CTNND2: variants seen among roughly 807,000 people sequenced by gnomAD.
CTNND2 encodes the protein catenin delta 2, also known as catenin delta-2.
Under a neutral mutation model 144.4 loss-of-function variants are expected in CTNND2, and 22 were observed. The observed-to-expected ratio is 0.15, with a 90% CI of 0.11 to 0.22. The LOEUF is 0.22. CTNND2 is among the 10% of genes least tolerant of loss of function. The pLI is 1.00. For missense variants in CTNND2, 1,353 were observed against 1,618.8 expected (o/e 0.84, Z 2.82); for synonymous variants, 751 against 695.6 (o/e 1.08, Z -1.25).
chr5:11,026,233 G>A (rs1423598228), intron 16 of CTNND2, among the ~76,000 whole-genome samples: 2 of 152,076 alleles, frequency 1.3e-5, no homozygotes, highest in Admixed American at 6.6e-5. Flanking sequence ...CTGTGTTTGA[G>A]CCTGGCATGG....
intron 12 of CTNND2, among the ~76,000 whole-genome samples, chr5:11,128,593 G>A (rs530257814): frequency 2.5e-3 from 373 of 148,034 alleles, no homozygotes; most frequent in Non-Finnish European, 4.1e-3. Context: ...TCTCAGCACC[G>A]TCTCCGATGC....
At chr5:10,996,428 C>T (rs1296957540) in intron 18 of CTNND2, among the ~76,000 whole-genome samples, 10 of 140,066 alleles carry the variant, frequency 7.1e-5, no homozygotes, top group African/African-American at 2.4e-4. Context: ...AGAAAGACGA[C>T]TGCTCCAAGA....
chr5:11,354,620 T>A (rs1442958770), intron 8 of CTNND2, among the ~76,000 whole-genome samples: 1 of 152,166 alleles, frequency 6.6e-6, no homozygotes, highest in Admixed American at 6.5e-5. Context: ...AGAAAATTAT[T>A]ATTAGACCTA....
At position 11,585,515 on chromosome 5, in the gene CTNND2, T is replaced by TCTAC. The variant is rs1384193019; in HGVS notation, c.175-20460_175-20459insGTAG. Among the ~76,000 whole-genome samples, 1,000 of 151,896 alleles carry TCTAC rather than the reference T, an allele frequency of 6.6e-3. 7 individuals are homozygous for TCTAC. The highest frequency in any genetic ancestry group is 0.011 in the Non-Finnish European group (741 of 67,932). On this transcript the variant is annotated intron_variant, in intron 2 of 21. Coordinates refer to ENST00000304623, the MANE Select transcript of CTNND2 (RefSeq NM_001332.4). ...ATCTATCTATCTATCTATCTATCTA[T>TCTAC]CTATCTATATCAGATTCTCATTTGT...
chr5:11,805,048 AG>A (rs1791915165), intron 1 of CTNND2, among the ~76,000 whole-genome samples: 1 of 152,168 alleles, frequency 6.6e-6, no homozygotes, highest in Admixed American at 6.5e-5. Context: ...TTCCCATGGA[AG>A]CATGGGTTAA....
At chr5:10,999,999 G>A (rs1018624057) in intron 18 of CTNND2, among the ~76,000 whole-genome samples, 3 of 152,200 alleles carry the variant, frequency 2.0e-5, no homozygotes, top group Non-Finnish European at 4.4e-5. Flanking sequence ...TTTCTAGGAC[G>A]TGGTCAGTCT....
chr5:11,325,345 A>C (rs1288220389), intron 9 of CTNND2, among the ~76,000 whole-genome samples: 2 of 152,040 alleles, frequency 1.3e-5, no homozygotes, highest in Non-Finnish European at 2.9e-5. Context: ...TGTAACTGTT[A>C]ATTTTTCTTT....
At chr5:11,889,010 A>G (rs184023376) in intron 1 of CTNND2, among the ~76,000 whole-genome samples, 4 of 152,218 alleles carry the variant, frequency 2.6e-5, no homozygotes, top group South Asian at 2.1e-4. Flanking sequence ...TCAGCTTCTC[A>G]AAGTGCTGTG....
intron 3 of CTNND2, among the ~76,000 whole-genome samples, chr5:11,437,473 T>C (rs1561392929): frequency 6.6e-6 from 1 of 152,084 alleles, no homozygotes; most frequent in East Asian, 1.9e-4. Context: ...AGAAAGAGTG[T>C]TGGGAACGAT....
chr5:11,676,458 T>C (rs748155003), intron 2 of CTNND2, among the ~76,000 whole-genome samples: 88 of 152,118 alleles, frequency 5.8e-4, no homozygotes, highest in Non-Finnish European at 1.2e-3. Context: ...TGAAAGTCCG[T>C]GAGTTAATAT....
chr5:11,222,810 A>C (rs1160045506), intron 10 of CTNND2, among the ~76,000 whole-genome samples: 1 of 152,162 alleles, frequency 6.6e-6, no homozygotes, highest in Non-Finnish European at 1.5e-5. Flanking sequence ...TCTCAAAAAA[A>C]TAAAAAGGAA....
rs561821906 is a variant in CTNND2, at chr5:11,859,661, A to G, written c.37+44156T>C. On this transcript the variant is annotated intron_variant, in intron 1 of 21. Transcript: ENST00000304623. Reference sequence around the variant, plus strand: ...TACCCTTAATAACTGCTGTTCATCTATGAGAGCCACCTACATGCCTGTAAC... The same window carrying G: ...TACCCTTAATAACTGCTGTTCATCTGTGAGAGCCACCTACATGCCTGTAAC... Among the ~76,000 whole-genome samples the G allele has an allele frequency of 2.0e-5, 3 of 152,260 alleles. No individual in the cohort carries two copies. In the East Asian group the frequency reaches 5.8e-4, roughly 29 times the overall value.
intron 1 of CTNND2, among the ~76,000 whole-genome samples, chr5:11,734,139 T>C (rs1199905888): frequency 6.6e-6 from 1 of 152,222 alleles, no homozygotes; most frequent in African/African-American, 2.4e-5. Flanking sequence ...AATCTTTTGC[T>C]TCCCAGCTCC....
intron 4 of CTNND2, 148 bp downstream of exon 4, chr5:11,411,887 T>C (rs2149838185): frequency 1.4e-6 from 1 of 723,828 alleles, no homozygotes. Flanking sequence ...TCTCAATAAA[T>C]TGTGAACTAT....
intron 2 of CTNND2, among the ~76,000 whole-genome samples, chr5:11,672,186 A>G (rs1194240356): frequency 2.0e-5 from 3 of 152,186 alleles, no homozygotes; most frequent in East Asian, 3.9e-4. Flanking sequence ...GCCAGATGCC[A>G]GCCAGAGCTC....
At chr5:11,551,076 T>A (rs1329526858) in intron 3 of CTNND2, among the ~76,000 whole-genome samples, 1 of 152,122 alleles carries the variant, frequency 6.6e-6, no homozygotes, top group Non-Finnish European at 1.5e-5. Flanking sequence ...TCCCTGGGCT[T>A]CCATCCCTCC....
intron 1 of CTNND2, among the ~76,000 whole-genome samples, chr5:11,855,693 T>C (rs1204987277): frequency 6.6e-6 from 1 of 152,216 alleles, no homozygotes. Context: ...TCACCCTGCA[T>C]AGAGGTTCCC....
At chr5:11,798,232 A>G (rs1791501747) in intron 1 of CTNND2, among the ~76,000 whole-genome samples, 1 of 151,218 alleles carries the variant, frequency 6.6e-6, no homozygotes, top group Non-Finnish European at 1.5e-5. Flanking sequence ...ACTGCACTCC[A>G]GCCTGGGTGA....
intron 6 of CTNND2, among the ~76,000 whole-genome samples, chr5:11,388,601 T>A (rs771610674): frequency 6.6e-6 from 1 of 152,222 alleles, no homozygotes; most frequent in Non-Finnish European, 1.5e-5. Context: ...AACAGAGAAA[T>A]TTGTTTTGTA....
Sources: allele counts gnomAD v4.1 joint callset (sites outside exome capture counted in the v4.1 genomes callset), GRCh38; gene constraint gnomAD v4.1.1; transcripts MANE v1.5; gene names NCBI Gene and HGNC (gene_info 2026-07-23, HGNC 2026-07-21).